The following CCPG1 variants were observed in gnomAD, a reference collection of about 807,000 sequenced individuals.
CCPG1 encodes cell cycle progression protein 1.
A neutral mutation model predicts 81.3 loss-of-function variants in CCPG1; 46 were observed. The observed-to-expected ratio is 0.57, with a 90% CI of 0.45 to 0.72. The LOEUF is 0.72. Among genes scored for constraint, CCPG1 ranks in the 30% least tolerant of loss-of-function variants. The probability of loss-of-function intolerance (pLI) is 0.00; values close to 1 mark genes in which losing one functional copy is unlikely to be tolerated. For synonymous variants in CCPG1, 330 were observed against 305.2 expected, an observed-to-expected ratio of 1.08 and a Z score of -0.85; for missense variants, 902 against 937.6, an observed-to-expected ratio of 0.96 and a Z score of 0.50.
chr15:55,359,411 T>C lies in CCPG1; in HGVS notation c.2234+128A>G, dbSNP rs1464677573. 2.1e-6 allele frequency: 3 copies of C among 1,442,066 alleles called. No individual in the cohort carries two copies. In the African/African-American group the frequency reaches 4.3e-5, roughly 21 times the overall value. The allele number at this position is 1,442,066 out of a possible 1,614,324, so 89.3% of individuals were successfully genotyped here. On this transcript the variant is annotated intron_variant, in intron 8 of 8. Transcript: ENST00000442196. ...CCATCTTTCAATTTATTCTGAATTC[T>C]CTCAGTGGCCATAAAGCACAACTCT...
Position 55,378,361 on chromosome 15 carries a change from C to T in CCPG1, c.191G>A (p.Gly64Asp). Residue 64 changes from glycine (G) to aspartate (D), a missense_variant, in exon 4 of 9, where the codon GGC becomes GAC. Gly to Asp is a moderately conservative substitution (Grantham distance 94). This residue lies in a region of CCPG1 where 746 missense variants were observed against 728.6 expected (regional missense o/e 1.02). Transcript: ENST00000442196. ...AGCAGTTTCTTCCATAAGCACTGTGCCATTTTGGCTGCTTTCTGATATAAA... is the reference window on the plus strand; with the variant it reads ...AGCAGTTTCTTCCATAAGCACTGTGTCATTTTGGCTGCTTTCTGATATAAA... ...QIEQGESSQN[G>D]TVLMEETAYP... The T allele has an allele frequency of 6.2e-7, 1 of 1,607,740 alleles. No individual in the cohort carries two copies. The highest frequency in any genetic ancestry group is 8.5e-7 in the Non-Finnish European group (1 of 1,176,308).
intron 1 of CCPG1, among the ~76,000 whole-genome samples, chr15:55,398,944 T>C (rs1243708768): frequency 1.3e-5 from 2 of 152,162 alleles, no homozygotes; most frequent in Non-Finnish European, 2.9e-5. Flanking sequence ...AATGAGCCTA[T>C]CCTCATCCGG....
chr15:55,359,568 A>T lies in CCPG1; in HGVS notation c.2205T>A (p.Gly735=). The T allele has an allele frequency of 6.2e-7, 1 of 1,610,826 alleles. No individual in the cohort carries two copies. Among genetic ancestry groups the T allele is most frequent in the Non-Finnish European group, 8.5e-7 (1 of 1,178,978 alleles). The change falls in exon 8 of 9, where the codon GGT becomes GGA. Residue 735 remains glycine, a synonymous_variant. Transcript: ENST00000442196. ...GTCCATATGGAGGGGAAAAAGTGTG[A>T]CCAAAGAAGTGTCTATATATATATT... is the stretch of plus-strand genomic sequence containing the variant. The part of the protein sequence containing the change: ...LDEYIYRHFF[G]HTFSPPYGPS...
chr15:55,367,985 C>G (rs1021751745), intron 6 of CCPG1, among the ~76,000 whole-genome samples: 1 of 152,122 alleles, frequency 6.6e-6, no homozygotes, highest in African/African-American at 2.4e-5. Flanking sequence ...AACCTGATAG[C>G]AGGTTACTCA....
Position 55,406,216 on chromosome 15 carries a change from C to CTTTT in CCPG1, c.-10+2001_-10+2004dup, listed in dbSNP as rs35010457. Among the ~76,000 whole-genome samples the CTTTT allele has an allele frequency of 9.3e-4, 127 of 137,050 alleles. No individual in the cohort carries two copies. The South Asian group carries it at 0.019, about 20-fold the overall frequency. The allele number at this position is 137,050 out of a possible 152,430, so 89.9% of individuals were successfully genotyped here. ...ATAGAGTCCATAACTGGAATTGCTG[C>CTTTT]TTTTTTTTTTTTTTTGCATAAGGGT... On this transcript the variant is annotated intron_variant, in intron 1 of 8. Transcript: ENST00000442196.
chr15:55,387,615 G>C (rs1295768236), intron 2 of CCPG1, among the ~76,000 whole-genome samples: 2 of 151,296 alleles, frequency 1.3e-5, no homozygotes, highest in African/African-American at 4.9e-5. Flanking sequence ...CACGAACTCT[G>C]CTCACCGCAA....
rs144242053 is a variant in CCPG1, at chr15:55,393,339, C to G, written c.-9-3906G>C. ...CCTGTTGTCCTAGCTACTTGGGAAGCCGAGGCAGGAGGATCATTTGAGCTC... is the reference window on the plus strand; with the variant it reads ...CCTGTTGTCCTAGCTACTTGGGAAGGCGAGGCAGGAGGATCATTTGAGCTC... On this transcript the variant is annotated intron_variant, in intron 1 of 8. Transcript: ENST00000442196. Among the ~76,000 whole-genome samples the G allele has an allele frequency of 1.9e-3, 290 of 152,138 alleles. 1 individual carries two copies. Among genetic ancestry groups the G allele is most frequent in the Middle Eastern group, 6.8e-3 (2 of 294 alleles).
Position 55,389,352 on chromosome 15 carries a change from T to C in CCPG1, c.60+13A>G, listed in dbSNP as rs780708125. The stretch of plus-strand genomic sequence containing the variant: ...ATTACAAATTACCTTATAAAAAGTA[T>C]TAAATATCATACCTCATGACTGATG... On this transcript the variant is annotated intron_variant, in intron 2 of 8. Transcript: ENST00000442196. 9 of 1,550,982 alleles carry C rather than the reference T, an allele frequency of 5.8e-6. No individual in the cohort carries two copies. The highest frequency in any genetic ancestry group is 8.0e-6 in the Non-Finnish European group (9 of 1,123,424).
intron 1 of CCPG1, among the ~76,000 whole-genome samples, chr15:55,390,495 T>C (rs931405402): frequency 1.3e-5 from 2 of 152,256 alleles, no homozygotes; most frequent in Non-Finnish European, 2.9e-5. Flanking sequence ...ATTGGACATA[T>C]ACTGTGAACA....
intron 1 of CCPG1, among the ~76,000 whole-genome samples, chr15:55,401,381 C>T (rs1409448887): frequency 5.9e-5 from 9 of 152,134 alleles, no homozygotes; most frequent in African/African-American, 2.2e-4. Context: ...TAAAAACACA[C>T]TACTGCTGGG....
Position 55,355,579 on chromosome 15 carries a change from A to T in CCPG1, c.*641T>A, listed in dbSNP as rs2056062725. On this transcript the variant is annotated 3_prime_UTR_variant, in exon 9 of 9. Coordinates refer to ENST00000442196, the MANE Select transcript of CCPG1 (RefSeq NM_001204450.2). ...TATCACTACTGAGGAAATGTATAAA[A>T]TACCACATAGTATAAAATTACATGT... 9 of 571,556 alleles carry T rather than the reference A, an allele frequency of 1.6e-5. No individual in the cohort carries two copies. In the East Asian group the frequency reaches 2.5e-4, roughly 16 times the overall value. 35.4% of individuals were successfully genotyped at this position (571,556 alleles called of 1,614,324 possible).
intron 3 of CCPG1, among the ~76,000 whole-genome samples, chr15:55,385,398 C>G (rs1339385795): frequency 6.6e-6 from 1 of 152,066 alleles, no homozygotes; most frequent in Non-Finnish European, 1.5e-5. Context: ...AACTCCTGAC[C>G]TCAAATGATC....
chr15:55,378,427 G>A, intron 3 of CCPG1, 51 bp from the exon 4 acceptor site: 1 of 1,160,926 alleles, frequency 8.6e-7, no homozygotes, highest in Non-Finnish European at 1.3e-6. Context: ...AAAACTCTCT[G>A]TTGACTTTCT....
Position 55,392,030 on chromosome 15 carries a change from A to G in CCPG1, c.-9-2597T>C, listed in dbSNP as rs74326689. ...CAAACAAAACGATTTCTGATTCCTA[A>G]AAAAAAAAAAAAAAAATCAAAAGAT... On this transcript the variant is annotated intron_variant, in intron 1 of 8. Coordinates refer to ENST00000442196, the MANE Select transcript of CCPG1 (RefSeq NM_001204450.2). Among the ~76,000 whole-genome samples the G allele has an allele frequency of 4.0e-3, 395 of 99,628 alleles. 1 individual carries two copies. Among genetic ancestry groups the G allele is most frequent in the Admixed American group, 1.0e-2 (116 of 11,650 alleles). 65.4% of individuals were successfully genotyped at this position (99,628 alleles called of 152,430 possible). A position where few individuals can be genotyped will look rare whatever the true frequency, so the allele number is the denominator to read the frequency against.
rs367927367 is a variant in CCPG1, at chr15:55,355,361, C to T, written c.*859G>A. The T allele has an allele frequency of 1.4e-5, 23 of 1,609,794 alleles. No homozygotes were observed. Among genetic ancestry groups the T allele is most frequent in the African/African-American group, 2.7e-5 (2 of 74,748 alleles). On this transcript the variant is annotated 3_prime_UTR_variant, in exon 9 of 9. Coordinates refer to ENST00000442196, the MANE Select transcript of CCPG1 (RefSeq NM_001204450.2). Reference sequence around the variant, plus strand: ...CTTCCACACTCACTTGCCAGAGGGTCGAATTGGAAGTCACATATATGTCTA... The same window carrying T: ...CTTCCACACTCACTTGCCAGAGGGTTGAATTGGAAGTCACATATATGTCTA...
chr15:55,396,089 G>C (rs1317657128), intron 1 of CCPG1, among the ~76,000 whole-genome samples: 1 of 151,382 alleles, frequency 6.6e-6, no homozygotes. Flanking sequence ...AGGAGGTGGA[G>C]GTTGCAGTGA....
chr15:55,400,203 C>CAAAAAAA lies in CCPG1; in HGVS notation c.-10+8011_-10+8017dup, dbSNP rs61331208. Among the ~76,000 whole-genome samples the CAAAAAAA allele has an allele frequency of 3.5e-3, 116 of 32,948 alleles. 12 individuals carry two copies. The highest frequency in any genetic ancestry group is 0.018 in the African/African-American group (113 of 6,238). 21.6% of individuals were successfully genotyped at this position (32,948 alleles called of 152,430 possible). ...CCAGCCTGGACAAGATACTCTACCTCAAAAAAAAAAAAAAAAAAAAAAAAA... is the reference window on the plus strand; with the variant it reads ...CCAGCCTGGACAAGATACTCTACCTCAAAAAAAAAAAAAAAAAAAAAAAAAAAAAAAA... On this transcript the variant is annotated intron_variant, in intron 1 of 8. Coordinates refer to ENST00000442196, the MANE Select transcript of CCPG1 (RefSeq NM_001204450.2).
intron 1 of CCPG1, chr15:55,407,838 A>T (rs529679450): frequency 6.6e-6 from 1 of 152,438 alleles, no homozygotes; most frequent in Non-Finnish European, 1.5e-5. Context: ...GACGCACATA[A>T]CATCTTACCA....
intron 8 of CCPG1, chr15:55,358,218 A>C (rs2056121508): frequency 3.5e-6 from 1 of 284,740 alleles, no homozygotes; most frequent in African/African-American, 2.3e-5. Context: ...GATTGGTAAG[A>C]TCTATAGTAA....
Sources: gnomAD v4.1 joint callset for allele counts (sites outside exome capture counted in the v4.1 genomes callset) on GRCh38, gnomAD v4.1.1 for gene constraint, gnomAD v4.1.1 regional missense constraint, MANE v1.5 for transcripts, NCBI Gene and HGNC (gene_info 2026-07-23, HGNC 2026-07-21) for gene names.